IL1RAPL2: variants seen among roughly 807,000 people sequenced by gnomAD.
IL1RAPL2 encodes X-linked interleukin-1 receptor accessory protein-like 2.
Under a neutral mutation model 44.1 loss-of-function variants are expected in IL1RAPL2, and 3 were observed. The observed-to-expected ratio is 0.07, with a 90% confidence interval of 0.03 to 0.18. IL1RAPL2 has a LOEUF of 0.18. IL1RAPL2 is among the 10% of genes least tolerant of loss of function. The pLI, the probability that IL1RAPL2 is intolerant of heterozygous loss-of-function variation, is 1.00. For missense variants in IL1RAPL2, 391 were observed against 496.4 expected (o/e 0.79, Z 2.02); for synonymous variants, 181 against 178.8 (o/e 1.01, Z -0.10).
chrX:105,375,511 AAAAC>A (rs1030581985), intron 5 of IL1RAPL2, among the ~76,000 whole-genome samples: 40 of 111,994 alleles, frequency 3.6e-4, no homozygotes, highest in Non-Finnish European at 4.9e-4. Flanking sequence ...ACCTGTCTCA[AAAAC>A]AAACAAACAA....
chrX:105,037,436 C>A (rs1258739162), intron 2 of IL1RAPL2, among the ~76,000 whole-genome samples: 1 of 110,935 alleles, frequency 9.0e-6, no homozygotes, highest in African/African-American at 3.3e-5. Flanking sequence ...GGAGTGTGGA[C>A]TGGATACAAG....
intron 1 of IL1RAPL2, among the ~76,000 whole-genome samples, chrX:104,626,234 A>G (rs1929502287): frequency 9.1e-6 from 1 of 110,303 alleles, no homozygotes; most frequent in Non-Finnish European, 1.9e-5. Context: ...CCTGCTAAGT[A>G]TATATATTGA....
intron 2 of IL1RAPL2, among the ~76,000 whole-genome samples, chrX:105,189,323 A>G (rs1181836026): frequency 1.8e-5 from 2 of 112,058 alleles, no homozygotes; most frequent in Non-Finnish European, 3.8e-5. Flanking sequence ...GCTCACTGCA[A>G]CCTCTGCCTC....
intron 2 of IL1RAPL2, among the ~76,000 whole-genome samples, chrX:104,792,068 A>G (rs1387300885): frequency 1.8e-5 from 2 of 110,947 alleles, no homozygotes; most frequent in Non-Finnish European, 3.8e-5. Context: ...AAGACAGCTT[A>G]TCATAGTATC....
At chrX:105,648,572 G>T (rs1357106307) in intron 6 of IL1RAPL2, among the ~76,000 whole-genome samples, 1 of 111,490 alleles carries the variant, frequency 9.0e-6, no homozygotes, top group Admixed American at 9.5e-5. Context: ...ACTTCACAAA[G>T]TGAAGTGCTT....
intron 2 of IL1RAPL2, among the ~76,000 whole-genome samples, chrX:105,149,224 A>G (rs780343657): frequency 1.8e-5 from 2 of 111,919 alleles, no homozygotes; most frequent in South Asian, 7.5e-4. Context: ...AGGTATATCT[A>G]TATGTATGAT....
intron 2 of IL1RAPL2, among the ~76,000 whole-genome samples, chrX:105,186,936 A>C (rs2033593561): frequency 8.9e-6 from 1 of 111,735 alleles, no homozygotes; most frequent in Non-Finnish European, 1.9e-5. Flanking sequence ...CAGTGTGAAC[A>C]TGCCTCCCTA....
intron 2 of IL1RAPL2, among the ~76,000 whole-genome samples, chrX:104,929,057 A>C (rs1037850014): frequency 1.8e-5 from 2 of 111,651 alleles, no homozygotes; most frequent in Non-Finnish European, 3.8e-5. Flanking sequence ...AAAGTATATC[A>C]TGTTCCCAAG....
At chrX:104,935,211 C>T (rs1452526526) in intron 2 of IL1RAPL2, among the ~76,000 whole-genome samples, 1 of 112,215 alleles carries the variant, frequency 8.9e-6, no homozygotes, top group Non-Finnish European at 1.9e-5. Context: ...CATTATTTTA[C>T]ATTCAATTCT....
intron 2 of IL1RAPL2, among the ~76,000 whole-genome samples, chrX:104,891,484 G>C (rs1033915375): frequency 9.0e-6 from 1 of 111,701 alleles, no homozygotes; most frequent in African/African-American, 3.3e-5. Context: ...GCAGTGGTTT[G>C]TAGCTCTCCT....
chrX:105,243,321 C>T (rs1005521979), intron 4 of IL1RAPL2, among the ~76,000 whole-genome samples: 1 of 108,979 alleles, frequency 9.2e-6, no homozygotes, highest in Admixed American at 1.0e-4. Flanking sequence ...TTTCCTGTTA[C>T]CTTGTGAAGA....
intron 5 of IL1RAPL2, among the ~76,000 whole-genome samples, chrX:105,294,152 T>C (rs1032975506): frequency 2.7e-5 from 3 of 112,052 alleles, no homozygotes; most frequent in African/African-American, 9.7e-5. Context: ...GAGCTCTGCT[T>C]TTTTTGGAGC....
At chrX:105,691,753 G>GT (rs2147531909) in intron 6 of IL1RAPL2, among the ~76,000 whole-genome samples, 1 of 111,598 alleles carries the variant, frequency 9.0e-6, no homozygotes, top group African/African-American at 3.2e-5. Flanking sequence ...GTTTTAACTG[G>GT]TTTTTAAAGT....
chrX:105,121,599 T>A (rs960490671), intron 2 of IL1RAPL2, among the ~76,000 whole-genome samples: 5 of 112,322 alleles, frequency 4.5e-5, no homozygotes, highest in African/African-American at 1.6e-4. Flanking sequence ...AACCAATATT[T>A]TATTTTCTGA....
At chrX:104,682,562 G>T (rs1434931448) in intron 2 of IL1RAPL2, among the ~76,000 whole-genome samples, 3 of 112,332 alleles carry the variant, frequency 2.7e-5, no homozygotes, top group African/African-American at 9.7e-5. Flanking sequence ...TGTTTCAGCT[G>T]AAGTTTCATT....
intron 2 of IL1RAPL2, among the ~76,000 whole-genome samples, chrX:104,716,622 G>T (rs1931571894): frequency 9.0e-6 from 1 of 110,984 alleles, no homozygotes; most frequent in Non-Finnish European, 1.9e-5. Context: ...AACATTAGCA[G>T]ACACTTCTCA....
At chrX:105,338,701 G>A (rs923691050) in intron 5 of IL1RAPL2, among the ~76,000 whole-genome samples, 9 of 112,014 alleles carry the variant, frequency 8.0e-5, no homozygotes, top group African/African-American at 2.6e-4. Flanking sequence ...GCTTTTGAAG[G>A]ATGACCTTTT....
intron 2 of IL1RAPL2, among the ~76,000 whole-genome samples, chrX:104,675,658 G>A (rs1365240047): frequency 1.8e-5 from 2 of 110,462 alleles, no homozygotes; most frequent in Non-Finnish European, 3.8e-5. Context: ...TATCCTTGTT[G>A]ACTTTCTGTC....
chrX:104,998,351 T>C (rs1206342826), intron 2 of IL1RAPL2, among the ~76,000 whole-genome samples: 1 of 110,185 alleles, frequency 9.1e-6, no homozygotes, highest in Non-Finnish European at 1.9e-5. Flanking sequence ...AGGATGTGAG[T>C]GAGGAAGTGG....
Sources: gnomAD v4.1 joint callset for allele counts (sites outside exome capture counted in the v4.1 genomes callset) on GRCh38, gnomAD v4.1.1 for gene constraint, MANE v1.5 for transcripts, NCBI Gene and HGNC (gene_info 2026-07-23, HGNC 2026-07-21) for gene names.